EEIG2: variants seen among roughly 807,000 people sequenced by gnomAD.
EEIG2 encodes family with sequence similarity 102 member B.
chr1:108,560,634 T>C, the EEIG2 span: 19 of 1,540,480 alleles, frequency 1.2e-5, no homozygotes, highest in South Asian at 2.1e-4. Context: ...GCAGCATCTC[T>C]CCTTGGCCCA....
At chr1:108,600,972 T>C in the EEIG2 span, among the ~76,000 whole-genome samples, 1 of 152,284 alleles carries the variant, frequency 6.6e-6, no homozygotes, top group Admixed American at 6.5e-5. Flanking sequence ...ATCCACTATT[T>C]GTTAAATTCC....
the EEIG2 span, chr1:108,628,250 T>C: frequency 6.2e-7 from 1 of 1,614,024 alleles, no homozygotes; most frequent in African/African-American, 1.3e-5. Flanking sequence ...AAGTCAGCAG[T>C]CAAAAGTATC....
chr1:108,621,114 G>T, the EEIG2 span, among the ~76,000 whole-genome samples: 1 of 152,286 alleles, frequency 6.6e-6, no homozygotes, highest in African/African-American at 2.4e-5. Context: ...AGGTAATGTT[G>T]TCGTTTTATG....
the EEIG2 span, among the ~76,000 whole-genome samples, chr1:108,621,978 G>A: frequency 1.3e-5 from 2 of 152,116 alleles, no homozygotes; most frequent in South Asian, 2.1e-4. Flanking sequence ...CCAACATGGC[G>A]AAACCGTGTC....
chr1:108,589,268 C>T, the EEIG2 span, among the ~76,000 whole-genome samples: 4 of 152,090 alleles, frequency 2.6e-5, no homozygotes, highest in Non-Finnish European at 5.9e-5. Context: ...TCTTTACTAT[C>T]AGCACTAAAC....
chr1:108,582,679 C>G, the EEIG2 span, among the ~76,000 whole-genome samples: 2 of 152,164 alleles, frequency 1.3e-5, no homozygotes, highest in East Asian at 3.9e-4. Context: ...CTTTCTTAAG[C>G]AAATCCAAGA....
the EEIG2 span, among the ~76,000 whole-genome samples, chr1:108,562,852 A>G: frequency 6.6e-6 from 1 of 152,212 alleles, no homozygotes; most frequent in Non-Finnish European, 1.5e-5. Flanking sequence ...TTACAAGAAA[A>G]AAAAAAAAGA....
chr1:108,581,215 A>G, the EEIG2 span, among the ~76,000 whole-genome samples: 1 of 146,480 alleles, frequency 6.8e-6, no homozygotes, highest in East Asian at 2.0e-4. Context: ...CCTACTGCTC[A>G]GAAAAAAAAA....
At chr1:108,600,588 G>T in the EEIG2 span, 1 of 1,611,500 alleles carries the variant, frequency 6.2e-7, no homozygotes, top group Non-Finnish European at 8.5e-7. Flanking sequence ...AGCAAACTGT[G>T]TTCGCTGGAG....
the EEIG2 span, among the ~76,000 whole-genome samples, chr1:108,631,548 A>G: frequency 1.0e-3 from 159 of 152,352 alleles, no homozygotes; most frequent in African/African-American, 3.5e-3. Context: ...TTGGGAGAAT[A>G]AAAAATAAGT....
chr1:108,570,453 A>T, the EEIG2 span, among the ~76,000 whole-genome samples: 2 of 152,208 alleles, frequency 1.3e-5, no homozygotes, highest in African/African-American at 4.8e-5. Flanking sequence ...ATTGAAGAGA[A>T]TTCTCATCTG....
chr1:108,586,182 A>T, the EEIG2 span, among the ~76,000 whole-genome samples: 1 of 152,072 alleles, frequency 6.6e-6, no homozygotes, highest in Non-Finnish European at 1.5e-5. Context: ...TACTCCAGAC[A>T]TGCATGCAGA....
chr1:108,633,410 CCT>C, the EEIG2 span, among the ~76,000 whole-genome samples: 1 of 151,854 alleles, frequency 6.6e-6, no homozygotes, highest in Non-Finnish European at 1.5e-5. Flanking sequence ...TGCCTCAGCC[CCT>C]GAGTAGCTAG....
At chr1:108,594,570 A>G in the EEIG2 span, among the ~76,000 whole-genome samples, 1 of 152,276 alleles carries the variant, frequency 6.6e-6, no homozygotes, top group East Asian at 1.9e-4. Flanking sequence ...TACCCTCCCC[A>G]TATAGTTGCT....
the EEIG2 span, among the ~76,000 whole-genome samples, chr1:108,593,930 C>G: frequency 6.6e-6 from 1 of 152,136 alleles, no homozygotes; most frequent in Non-Finnish European, 1.5e-5. Flanking sequence ...CTCAGCTGCC[C>G]GAGAAGCTGG....
the EEIG2 span, among the ~76,000 whole-genome samples, chr1:108,572,540 A>C: frequency 6.6e-6 from 1 of 152,118 alleles, no homozygotes; most frequent in Non-Finnish European, 1.5e-5. Context: ...GAATAGTTTC[A>C]CTGCCCTAAA....
At chr1:108,612,412 C>T in the EEIG2 span, 2 of 630,010 alleles carry the variant, frequency 3.2e-6, no homozygotes, top group African/African-American at 1.9e-5. Context: ...ACTGACCATA[C>T]CACTGAAGTA....
chr1:108,570,271 C>T, the EEIG2 span, among the ~76,000 whole-genome samples: 1 of 151,984 alleles, frequency 6.6e-6, no homozygotes, highest in Admixed American at 6.6e-5. Context: ...TGACATGAAG[C>T]AGCATGTTGT....
At chr1:108,586,638 G>A in the EEIG2 span, among the ~76,000 whole-genome samples, 2 of 152,026 alleles carry the variant, frequency 1.3e-5, no homozygotes, top group African/African-American at 4.8e-5. Context: ...GGAAAACCAC[G>A]AAGGCAGACA....
Sources: allele counts gnomAD v4.1 joint callset (sites outside exome capture counted in the v4.1 genomes callset), GRCh38; gene constraint gnomAD v4.1.1; transcripts MANE v1.5; gene names NCBI Gene and HGNC (gene_info 2026-07-23, HGNC 2026-07-21).